FBXL7: variants seen among roughly 807,000 people sequenced by gnomAD.
FBXL7 encodes the protein F-box and leucine rich repeat protein 7.
FBXL7 carries 12 observed loss-of-function variants against 38.3 expected under a neutral mutation model. That is an observed-to-expected ratio of 0.31 (90% CI 0.20 to 0.51). The LOEUF (loss-of-function observed/expected upper bound fraction) is 0.51, where lower values mean the gene tolerates loss of function less well. Ranked by LOEUF, FBXL7 falls within the 20% of genes least tolerant of loss-of-function variation. The pLI is 0.98. For missense variants in FBXL7, 567 were observed against 676.4 expected (o/e 0.84, Z 1.79); for synonymous variants, 297 against 300.9 (o/e 0.99, Z 0.13).
At chr5:15,711,791 A>T (rs1009846399) in intron 2 of FBXL7, among the ~76,000 whole-genome samples, 1 of 152,186 alleles carries the variant, frequency 6.6e-6, no homozygotes, top group Non-Finnish European at 1.5e-5. Flanking sequence ...AAGAATCAAA[A>T]TTCCAAAAAT....
chr5:15,680,901 G>A (rs926261751), intron 2 of FBXL7, among the ~76,000 whole-genome samples: 3 of 152,166 alleles, frequency 2.0e-5, no homozygotes, highest in African/African-American at 7.2e-5. Context: ...GAAGCTTAGA[G>A]CAGGATGGAG....
chr5:15,858,242 A>G (rs1311369455), intron 2 of FBXL7, among the ~76,000 whole-genome samples: 2 of 150,124 alleles, frequency 1.3e-5, no homozygotes, highest in Admixed American at 6.7e-5. Context: ...CATATTATAT[A>G]TAATACATAT....
intron 2 of FBXL7, among the ~76,000 whole-genome samples, chr5:15,800,218 A>G (rs933822805): frequency 6.6e-6 from 1 of 152,178 alleles, no homozygotes; most frequent in African/African-American, 2.4e-5. Flanking sequence ...AATGATGGAT[A>G]TGAAAGCAGG....
intron 2 of FBXL7, among the ~76,000 whole-genome samples, chr5:15,686,858 G>T (rs556147215): frequency 1.8e-4 from 27 of 152,170 alleles, no homozygotes; most frequent in Non-Finnish European, 3.1e-4. Context: ...GAAGTATGCT[G>T]ACCACCCACA....
chr5:15,764,490 T>TA (rs1736532400), intron 2 of FBXL7, among the ~76,000 whole-genome samples: 1 of 152,108 alleles, frequency 6.6e-6, no homozygotes, highest in African/African-American at 2.4e-5. Flanking sequence ...TGAGGAAAAG[T>TA]ACAGAGGCCT....
At chr5:15,721,008 A>G (rs1254579267) in intron 2 of FBXL7, among the ~76,000 whole-genome samples, 1 of 152,110 alleles carries the variant, frequency 6.6e-6, no homozygotes, top group Non-Finnish European at 1.5e-5. Flanking sequence ...GTGATGTTTG[A>G]CTTTAATTCT....
At chr5:15,705,880 A>G (rs991565127) in intron 2 of FBXL7, among the ~76,000 whole-genome samples, 2 of 152,178 alleles carry the variant, frequency 1.3e-5, no homozygotes, top group Non-Finnish European at 2.9e-5. Flanking sequence ...AACAATAAAT[A>G]AATGTTTATT....
chr5:15,921,380 CA>C (rs56077834), intron 2 of FBXL7, among the ~76,000 whole-genome samples: 65,091 of 124,390 alleles, frequency 0.52, 17,440 homozygotes, highest in Non-Finnish European at 0.63. Context: ...GACTCCATCT[CA>C]AAAAAAAAAA....
intron 2 of FBXL7, among the ~76,000 whole-genome samples, chr5:15,786,496 C>G (rs531067931): frequency 3.9e-5 from 6 of 152,142 alleles, no homozygotes; most frequent in Admixed American, 3.3e-4. Context: ...TATTCAAAAC[C>G]CTGTCAGTCC....
chr5:15,640,760 G>C (rs1741339639), intron 2 of FBXL7, among the ~76,000 whole-genome samples: 1 of 152,220 alleles, frequency 6.6e-6, no homozygotes, highest in Non-Finnish European at 1.5e-5. Flanking sequence ...CTGATCTCAA[G>C]TGATCCGCCC....
intron 2 of FBXL7, among the ~76,000 whole-genome samples, chr5:15,784,040 CA>C (rs1737070885): frequency 6.6e-6 from 1 of 152,170 alleles, no homozygotes; most frequent in South Asian, 2.1e-4. Context: ...GGTGATGTGG[CA>C]GTGACTGTTT....
At chr5:15,851,579 C>T (rs950585193) in intron 2 of FBXL7, among the ~76,000 whole-genome samples, 8 of 152,122 alleles carry the variant, frequency 5.3e-5, no homozygotes, top group Non-Finnish European at 1.2e-4. Context: ...GTTGTAGTCA[C>T]CCTGAGTCTC....
chr5:15,839,176 AT>A (rs780476558), intron 2 of FBXL7, among the ~76,000 whole-genome samples: 30 of 150,984 alleles, frequency 2.0e-4, no homozygotes, highest in Non-Finnish European at 3.1e-4. Context: ...CAATTTTCTA[AT>A]TTCTTTCTCC....
At chr5:15,590,618 C>T (rs4702086) in intron 1 of FBXL7, among the ~76,000 whole-genome samples, 80,056 of 151,628 alleles carry the variant, frequency 0.53, 21,895 homozygotes, top group African/African-American at 0.66. Flanking sequence ...CCTTGGGATG[C>T]CCATTTTCTA....
intron 2 of FBXL7, among the ~76,000 whole-genome samples, chr5:15,679,816 G>A (rs1461002493): frequency 6.6e-6 from 1 of 152,032 alleles, no homozygotes. Flanking sequence ...TAGAATAAGA[G>A]TTAGTCAATC....
At chr5:15,792,848 C>T (rs1407971074) in intron 2 of FBXL7, among the ~76,000 whole-genome samples, 1 of 152,200 alleles carries the variant, frequency 6.6e-6, no homozygotes, top group Non-Finnish European at 1.5e-5. Context: ...CTGACAGTAC[C>T]TTGATGCTCA....
chr5:15,677,507 A>G (rs1211533822), intron 2 of FBXL7, among the ~76,000 whole-genome samples: 2 of 151,714 alleles, frequency 1.3e-5, no homozygotes, highest in African/African-American at 4.8e-5. Flanking sequence ...AGGAAGGAAG[A>G]AAGGAAAGAA....
intron 2 of FBXL7, among the ~76,000 whole-genome samples, chr5:15,923,494 A>T (rs904780027): frequency 6.6e-6 from 1 of 152,226 alleles, no homozygotes; most frequent in African/African-American, 2.4e-5. Flanking sequence ...CCATAACAAA[A>T]TTTATTTTCA....
chr5:15,755,829 A>G (rs1736282777), intron 2 of FBXL7, among the ~76,000 whole-genome samples: 1 of 152,210 alleles, frequency 6.6e-6, no homozygotes, highest in South Asian at 2.1e-4. Context: ...ATAACCTGAG[A>G]AAGGCTGGCA....
Sources: gnomAD v4.1 joint callset for allele counts (sites outside exome capture counted in the v4.1 genomes callset) on GRCh38, gnomAD v4.1.1 for gene constraint, MANE v1.5 for transcripts, NCBI Gene and HGNC (gene_info 2026-07-23, HGNC 2026-07-21) for gene names.